The following SRSF11 variants were observed in gnomAD, a reference collection of about 807,000 sequenced individuals.
The protein encoded by SRSF11 is serine/arginine-rich splicing factor 11.
SRSF11 carries 9 observed loss-of-function variants against 56.0 expected under a neutral mutation model. The observed-to-expected ratio is 0.16, with a 90% CI of 0.10 to 0.28. The LOEUF (loss-of-function observed/expected upper bound fraction) is 0.28, where lower values mean the gene tolerates loss of function less well. SRSF11 is among the 10% of genes least tolerant of loss of function. The pLI is 1.00. For synonymous variants in SRSF11, 222 were observed against 215.3 expected (o/e 1.03, Z -0.27); for missense variants, 421 against 600.7 (o/e 0.70, Z 3.13).
intron 7 of SRSF11, among the ~76,000 whole-genome samples, chr1:70,243,704 G>A (rs1012113557): frequency 1.3e-5 from 2 of 152,152 alleles, no homozygotes; most frequent in African/African-American, 4.8e-5. Context: ...GTCACTAAAA[G>A]TTAAGTGATC....
At chr1:70,242,119 G>C (rs1675568183) in intron 7 of SRSF11, among the ~76,000 whole-genome samples, 1 of 150,490 alleles carries the variant, frequency 6.6e-6, no homozygotes, top group South Asian at 2.1e-4. Flanking sequence ...CAGTGAGCCA[G>C]GATGGCGCCA....
chr1:70,226,424 G>GA (rs1308948858), intron 1 of SRSF11, among the ~76,000 whole-genome samples: 24 of 151,588 alleles, frequency 1.6e-4, no homozygotes, highest in Admixed American at 1.5e-3. Context: ...TAATGAGTAG[G>GA]AAAAAAAATA....
chr1:70,208,530 G>T (rs527290180), intron 1 of SRSF11, among the ~76,000 whole-genome samples: 1 of 152,178 alleles, frequency 6.6e-6, no homozygotes, highest in South Asian at 2.1e-4. Context: ...CAGAGGCAGG[G>T]TTTCGCCATG....
At position 70,221,506 on chromosome 1, in the gene SRSF11, G is replaced by A; in HGVS notation, c.-131G>A. The A allele has an allele frequency of 1.6e-6, 2 of 1,287,802 alleles. No individual in the cohort carries two copies. Among genetic ancestry groups the A allele is most frequent in the Non-Finnish European group, 2.1e-6 (2 of 951,352 alleles). 79.8% of individuals were successfully genotyped at this position (1,287,802 alleles called of 1,614,324 possible). A position where few individuals can be genotyped will look rare whatever the true frequency, so the allele number is the denominator to read the frequency against. On this transcript the variant is annotated 5_prime_UTR_variant, in exon 1 of 12. Coordinates refer to ENST00000370949, the MANE Select transcript of SRSF11 (RefSeq NM_001350605.2). Reference sequence around the variant, plus strand: ...AAACGGCGGCGGCGGCGGCGGCATCGGCAGCAGTAGCAGAGGCTGTAGCAT... The same window carrying A: ...AAACGGCGGCGGCGGCGGCGGCATCAGCAGCAGTAGCAGAGGCTGTAGCAT...
intron 7 of SRSF11, among the ~76,000 whole-genome samples, chr1:70,241,155 T>G (rs1303555339): frequency 6.6e-6 from 1 of 152,178 alleles, no homozygotes; most frequent in African/African-American, 2.4e-5. Context: ...CTTTTCTTAG[T>G]GTCCGTTACC....
chr1:70,226,294 G>T (rs1221809655), intron 1 of SRSF11, among the ~76,000 whole-genome samples: 2 of 152,110 alleles, frequency 1.3e-5, no homozygotes, highest in Non-Finnish European at 2.9e-5. Flanking sequence ...GCCATTTGAA[G>T]TGGAGAGAGA....
chr1:70,241,978 C>T (rs561657073), intron 7 of SRSF11, among the ~76,000 whole-genome samples: 3 of 152,140 alleles, frequency 2.0e-5, no homozygotes, highest in Non-Finnish European at 2.9e-5. Context: ...ACCAGCCTGG[C>T]CAACATAGTG....
intron 2 of SRSF11, chr1:70,229,652 G>A (rs1672488534): frequency 1.0e-6 from 1 of 984,872 alleles, no homozygotes. Flanking sequence ...ACTGGTCAGT[G>A]GAAGTGGAAT....
chr1:70,229,392 T>A, intron 2 of SRSF11: 1 of 1,085,010 alleles, frequency 9.2e-7, no homozygotes, highest in Non-Finnish European at 1.1e-6. Flanking sequence ...TTAAAGTAAT[T>A]TGACAGAAAA....
At chr1:70,218,170 A>T (rs185927734), upstream of SRSF11, among the ~76,000 whole-genome samples, 2 of 152,012 alleles carry the variant, frequency 1.3e-5, no homozygotes, top group African/African-American at 4.8e-5. Flanking sequence ...GGGTTTCACC[A>T]TGTTAGCCAG....
intron 8 of SRSF11, among the ~76,000 whole-genome samples, chr1:70,245,154 T>C (rs904287096): frequency 2.0e-5 from 3 of 152,206 alleles, no homozygotes; most frequent in African/African-American, 7.2e-5. Flanking sequence ...CCAAACACTT[T>C]TAAATTAGTA....
At chr1:70,213,092 G>GT (rs900108987) in intron 1 of SRSF11, among the ~76,000 whole-genome samples, 4 of 151,960 alleles carry the variant, frequency 2.6e-5, no homozygotes, top group African/African-American at 9.7e-5. Context: ...AAATTGGAGA[G>GT]TTTTTTCCGA....
At chr1:70,242,538 G>T (rs1314381038) in intron 7 of SRSF11, among the ~76,000 whole-genome samples, 1 of 149,746 alleles carries the variant, frequency 6.7e-6, no homozygotes, top group Non-Finnish European at 1.5e-5. Context: ...TCCTGAGCTC[G>T]AGCTGTTTGC....
chr1:70,241,436 C>G (rs988347391), intron 7 of SRSF11, among the ~76,000 whole-genome samples: 2 of 152,188 alleles, frequency 1.3e-5, no homozygotes, highest in Non-Finnish European at 2.9e-5. Flanking sequence ...CTGTCACCCA[C>G]CTTATCCCAC....
At position 70,221,674 on chromosome 1, in the gene SRSF11, C is replaced by G; in HGVS notation, c.38C>G (p.Pro13Arg). The G allele has an allele frequency of 6.2e-7, 1 of 1,612,892 alleles. No individual in the cohort carries two copies. The highest frequency in any genetic ancestry group is 8.5e-7 in the Non-Finnish European group (1 of 1,179,254). ...NTTVVPSTAG[P>R]GPSGGPGGGG... ...ACCGTCGTCCCCAGCACTGCAGGTC[C>G]GGGCCCCAGCGGCGGGCCCGGTGGC... The change falls in exon 1 of 12, where the codon CCG (proline) becomes CGG (arginine). Residue 13 changes from proline (P) to arginine (R), a missense_variant. By Grantham distance (103) the Pro-to-Arg change is moderately radical (BLOSUM62 -2). This residue lies in a region of SRSF11 where 168 missense variants were observed against 294.9 expected (regional missense o/e 0.57). Coordinates refer to ENST00000370949, the MANE Select transcript of SRSF11 (RefSeq NM_001350605.2).
chr1:70,250,507 T>A lies in SRSF11; in HGVS notation c.1257+4T>A, dbSNP rs779683738. On this transcript the variant is annotated splice_donor_region_variant and intron_variant, in intron 11 of 11. Coordinates refer to ENST00000370949, the MANE Select transcript of SRSF11 (RefSeq NM_001350605.2). ...AGAGAGTGATAAAGATGTAAAAGTA[T>A]GTTTACAAATTGATTTATTTTTATA... The A allele has an allele frequency of 8.7e-6, 14 of 1,603,708 alleles. No individual in the cohort carries two copies. In the African/African-American group the frequency reaches 1.2e-4, roughly 14 times the overall value.
At chr1:70,228,362 A>G in intron 1 of SRSF11, 60 bp from the exon 2 acceptor site, 1 of 1,317,472 alleles carries the variant, frequency 7.6e-7, no homozygotes, top group Non-Finnish European at 1.1e-6. Context: ...TGGTTTGTGA[A>G]TTAGCATTTG....
chr1:70,236,558 C>A (rs1258146211), intron 5 of SRSF11, among the ~76,000 whole-genome samples: 1 of 151,832 alleles, frequency 6.6e-6, no homozygotes, highest in Non-Finnish European at 1.5e-5. Context: ...CCTCAATCTC[C>A]TGACCTCATG....
chr1:70,241,654 T>A (rs1305904794), intron 7 of SRSF11, among the ~76,000 whole-genome samples: 5 of 152,226 alleles, frequency 3.3e-5, no homozygotes, highest in African/African-American at 4.8e-5. Context: ...TACCATTTTC[T>A]TTATGTCTTC....
Sources: gnomAD v4.1 joint callset for allele counts (sites outside exome capture counted in the v4.1 genomes callset) on GRCh38, gnomAD v4.1.1 for gene constraint, gnomAD v4.1.1 regional missense constraint, MANE v1.5 for transcripts, NCBI Gene and HGNC (gene_info 2026-07-23, HGNC 2026-07-21) for gene names.